Variants in KIF18A observed in about 807,000 individuals in gnomAD.
KIF18A encodes kinesin-like protein KIF18A.
A neutral mutation model predicts 103.3 loss-of-function variants in KIF18A; 67 were observed. The observed-to-expected ratio is 0.65, with a 90% confidence interval of 0.53 to 0.79. KIF18A has a LOEUF of 0.79. Ranked by LOEUF, KIF18A falls within the 30% of genes least tolerant of loss-of-function variation. KIF18A has a pLI of 0.00. For synonymous variants in KIF18A, 367 were observed against 355.5 expected (o/e 1.03, Z -0.36); for missense variants, 1,032 against 1,062.5 (o/e 0.97, Z 0.40).
At chr11:28,038,497 T>C (rs1311726774) in intron 13 of KIF18A, among the ~76,000 whole-genome samples, 4 of 151,632 alleles carry the variant, frequency 2.6e-5, no homozygotes, top group Non-Finnish European at 5.9e-5. Context: ...AATCATGAAG[T>C]AAAATTCCCA....
intron 15 of KIF18A, among the ~76,000 whole-genome samples, chr11:28,026,815 G>C (rs1441729910): frequency 6.6e-6 from 1 of 151,716 alleles, no homozygotes; most frequent in Admixed American, 6.6e-5. Context: ...CTGACACTAT[G>C]CAAATTAGTG....
At chr11:28,038,387 T>G (rs769750590) in intron 13 of KIF18A, among the ~76,000 whole-genome samples, 2 of 151,674 alleles carry the variant, frequency 1.3e-5, no homozygotes, top group South Asian at 2.1e-4. Context: ...TCTACCTACT[T>G]CATTCTGGTG....
chr11:28,060,658 T>C (rs1048184825), intron 12 of KIF18A, among the ~76,000 whole-genome samples: 3 of 152,196 alleles, frequency 2.0e-5, no homozygotes, highest in African/African-American at 7.2e-5. Flanking sequence ...TTTTAAAATA[T>C]GGATTTTAGG....
intron 16 of KIF18A, 41 bp downstream of exon 16, chr11:28,023,700 G>T: frequency 1.8e-6 from 2 of 1,114,142 alleles, no homozygotes; most frequent in Non-Finnish European, 2.7e-6. Context: ...GTGTGTTACA[G>T]AGTCATACCA....
In KIF18A at chr11:28,049,605, C is replaced by T. The variant is rs532582480; in HGVS notation, c.1948+9321G>A. 2.6e-5 allele frequency among the ~76,000 whole-genome samples: 4 copies of T among 152,050 alleles called. No individual in the cohort carries two copies. The East Asian group carries it at 5.8e-4, about 22-fold the overall frequency. ...GATCTAATTGAGGTTTGGTACAAAA[C>T]GATGGCAAGGATTCTTCCTTTGCAA... On this transcript the variant is annotated intron_variant, in intron 13 of 16. Coordinates refer to ENST00000263181, the MANE Select transcript of KIF18A (RefSeq NM_031217.4).
chr11:28,083,024 G>T, intron 8 of KIF18A, 56 bp from the exon 9 acceptor site: 2 of 1,439,494 alleles, frequency 1.4e-6, no homozygotes, highest in South Asian at 2.6e-5. Flanking sequence ...CATGGCCACA[G>T]CCAAATTTAG....
intron 10 of KIF18A, among the ~76,000 whole-genome samples, chr11:28,074,518 C>A (rs914641731): frequency 4.6e-5 from 7 of 152,022 alleles, no homozygotes; most frequent in Non-Finnish European, 1.0e-4. Context: ...GCATAAAAAG[C>A]ACACACTCAA....
intron 10 of KIF18A, among the ~76,000 whole-genome samples, chr11:28,070,780 C>T (rs1455963690): frequency 6.6e-6 from 1 of 152,218 alleles, no homozygotes; most frequent in African/African-American, 2.4e-5. Context: ...GTGGCTCATG[C>T]CAGTAATTCT....
At chr11:28,049,297 C>T (rs1016254319) in intron 13 of KIF18A, among the ~76,000 whole-genome samples, 1 of 151,810 alleles carries the variant, frequency 6.6e-6, no homozygotes, top group Admixed American at 6.6e-5. Flanking sequence ...ACAGATGGTT[C>T]CTTTACATAA....
rs1174705549 is a variant in KIF18A, at chr11:28,048,848, T to C, written c.1948+10078A>G. ...GAAAGATTTAGGCCAAGAAGTGGGA[T>C]GGATGTAGAGAAAACAAGCATTTGA... On this transcript the variant is annotated intron_variant, in intron 13 of 16. Transcript: ENST00000263181. Among the ~76,000 whole-genome samples, 3 of 151,964 alleles carry C rather than the reference T, an allele frequency of 2.0e-5. No homozygotes were observed. In the East Asian group the frequency reaches 5.8e-4, roughly 29 times the overall value.
At chr11:28,092,156 G>A (rs1011306798) in intron 3 of KIF18A, among the ~76,000 whole-genome samples, 3 of 152,144 alleles carry the variant, frequency 2.0e-5, no homozygotes, top group Non-Finnish European at 4.4e-5. Context: ...ACACGGTACT[G>A]GGAAACTCTG....
chr11:28,021,633 T>C (rs930446202), intron 16 of KIF18A, among the ~76,000 whole-genome samples: 1 of 152,190 alleles, frequency 6.6e-6, no homozygotes, highest in African/African-American at 2.4e-5. Flanking sequence ...CACCATTTTT[T>C]CTCATTCCTT....
At chr11:28,067,502 C>G (rs116230055) in intron 11 of KIF18A, among the ~76,000 whole-genome samples, 3,574 of 152,200 alleles carry the variant, frequency 0.023, 134 homozygotes, top group African/African-American at 0.08. Flanking sequence ...TCATTTACAG[C>G]CATTGCTAGC....
intron 11 of KIF18A, among the ~76,000 whole-genome samples, chr11:28,064,438 A>T (rs543690588): frequency 4.9e-4 from 75 of 152,140 alleles, no homozygotes; most frequent in South Asian, 1.9e-3. Flanking sequence ...TGTTTGCCAC[A>T]TATTGCATCT....
intron 16 of KIF18A, among the ~76,000 whole-genome samples, chr11:28,022,112 T>C (rs1390941625): frequency 6.6e-6 from 1 of 152,194 alleles, no homozygotes; most frequent in African/African-American, 2.4e-5. Flanking sequence ...TACAAACTAA[T>C]ACCTCTTTGG....
intron 10 of KIF18A, 47 bp downstream of exon 10, chr11:28,076,955 AGCCCC>A: frequency 2.4e-6 from 2 of 847,146 alleles, no homozygotes; most frequent in South Asian, 4.5e-5. Context: ...AAAAAAAAAA[AGCCCC>A]CATGTTTTTA....
intron 13 of KIF18A, among the ~76,000 whole-genome samples, chr11:28,047,732 A>G (rs1197312848): frequency 9.9e-5 from 15 of 152,164 alleles, no homozygotes; most frequent in Admixed American, 9.8e-4. Context: ...GGAGACTTAA[A>G]AAAATAAAAC....
At chr11:28,045,060 C>CA (rs1850613796) in intron 13 of KIF18A, among the ~76,000 whole-genome samples, 4 of 151,906 alleles carry the variant, frequency 2.6e-5, no homozygotes, top group South Asian at 4.1e-4. Context: ...CACTATCTCT[C>CA]AAATGTGTAG....
Position 28,077,121 on chromosome 11 carries a change from T to C in KIF18A, c.1311A>G (p.Arg437=), listed in dbSNP as rs1455221957. The change falls in exon 10 of 17, where the codon AGA becomes AGG. Residue 437 remains arginine (R), a synonymous_variant. Coordinates refer to ENST00000263181, the MANE Select transcript of KIF18A (RefSeq NM_031217.4). ...ACATTTCCAACTTCAGATATTCTTG[T>C]CTAATTTCTTCTCGATTCTGGAACA... ...NCLFQNREEI[R]QEYLKLEMLL... is the part of the protein sequence containing the mutation. 6.3e-7 allele frequency: 1 copy of C among 1,575,732 alleles called. No individual in the cohort carries two copies. Among genetic ancestry groups the C allele is most frequent in the Non-Finnish European group, 8.6e-7 (1 of 1,168,430 alleles).
Sources: allele counts gnomAD v4.1 joint callset (sites outside exome capture counted in the v4.1 genomes callset), GRCh38; gene constraint gnomAD v4.1.1; transcripts MANE v1.5; gene names NCBI Gene and HGNC (gene_info 2026-07-23, HGNC 2026-07-21).